Variants in SDR9C7 observed in about 807,000 individuals in gnomAD.
SDR9C7 encodes the protein short chain dehydrogenase/reductase family 9C member 7.
Under a neutral mutation model 23.6 loss-of-function variants are expected in SDR9C7, and 11 were observed. The observed-to-expected ratio is 0.47, with a 90% CI of 0.29 to 0.77. SDR9C7 has a LOEUF of 0.77. Ranked by LOEUF, SDR9C7 falls within the 30% of genes least tolerant of loss-of-function variation. SDR9C7 has a pLI of 0.09. For missense variants in SDR9C7, 387 were observed against 407.1 expected, an observed-to-expected ratio of 0.95 and a Z score of 0.42; for synonymous variants, 167 against 157.3, an observed-to-expected ratio of 1.06 and a Z score of -0.46.
intron 3 of SDR9C7, among the ~76,000 whole-genome samples, chr12:56,928,880 TTTC>T (rs1409945756): frequency 6.6e-6 from 1 of 152,154 alleles, no homozygotes; most frequent in African/African-American, 2.4e-5. Context: ...ATGTGCTCAT[TTTC>T]TTCTTTATTA....
At chr12:56,931,378 TATAA>T (rs1162766775) in intron 1 of SDR9C7, among the ~76,000 whole-genome samples, 3 of 151,494 alleles carry the variant, frequency 2.0e-5, no homozygotes, top group Non-Finnish European at 2.9e-5. Flanking sequence ...TAATAATATT[TATAA>T]ATAAATATAT....
At chr12:56,926,339 C>G (rs1955733591) in intron 3 of SDR9C7, among the ~76,000 whole-genome samples, 1 of 152,204 alleles carries the variant, frequency 6.6e-6, no homozygotes, top group African/African-American at 2.4e-5. Flanking sequence ...CGTTCCTTCA[C>G]TGGGTTTCTG....
At chr12:56,931,792 C>T (rs1337004466) in intron 1 of SDR9C7, among the ~76,000 whole-genome samples, 3 of 152,186 alleles carry the variant, frequency 2.0e-5, no homozygotes, top group Admixed American at 1.3e-4. Context: ...CCTGGTGATT[C>T]GCACCACAGC....
At chr12:56,929,061 T>A (rs1391320657) in intron 3 of SDR9C7, among the ~76,000 whole-genome samples, 1 of 152,184 alleles carries the variant, frequency 6.6e-6, no homozygotes, top group Non-Finnish European at 1.5e-5. Flanking sequence ...AGCCAGGATT[T>A]GAACCCAGGC....
chr12:56,924,263 T>C (rs1292260941), intron 3 of SDR9C7, among the ~76,000 whole-genome samples: 1 of 151,946 alleles, frequency 6.6e-6, no homozygotes, highest in South Asian at 2.1e-4. Context: ...ACCCCATCTC[T>C]ACTAAAAATA....
chr12:56,923,710 A>T lies in SDR9C7; in HGVS notation c.*123T>A. On this transcript the variant is annotated 3_prime_UTR_variant, in exon 4 of 4. Transcript: ENST00000293502. ...GGTAAATTCGACAGCAGTGGGTGTC[A>T]GCTGAGCCAAGCTTCCTTTGCAGCC... The T allele has an allele frequency of 1.3e-6, 1 of 773,346 alleles. No individual in the cohort carries two copies. The highest frequency in any genetic ancestry group is 2.1e-6 in the Non-Finnish European group (1 of 479,572). The allele number at this position is 773,346 out of a possible 1,614,324, so 47.9% of individuals were successfully genotyped here.
At chr12:56,925,984 C>T (rs1210949082) in intron 3 of SDR9C7, among the ~76,000 whole-genome samples, 1 of 152,164 alleles carries the variant, frequency 6.6e-6, no homozygotes, top group African/African-American at 2.4e-5. Context: ...TAGATATTAG[C>T]TGCCATTCAG....
At chr12:56,931,836 C>T (rs925366857) in intron 1 of SDR9C7, among the ~76,000 whole-genome samples, 4 of 152,088 alleles carry the variant, frequency 2.6e-5, no homozygotes, top group African/African-American at 9.7e-5. Context: ...ACTCTGCAGG[C>T]GCATCCCACT....
rs267603591 is a variant in SDR9C7, at chr12:56,929,403, A to T, written c.711T>A (p.Asp237Glu). 12 of 1,604,710 alleles carry T rather than the reference A, an allele frequency of 7.5e-6. No homozygotes were observed. Among genetic ancestry groups the T allele is most frequent in the Non-Finnish European group, 1.0e-5 (12 of 1,172,202 alleles). Residue 237 changes from aspartate (D) to glutamate (E), a missense_variant, in exon 3 of 4, where the codon GAT (aspartate) becomes GAA (glutamate). Physicochemically the swap from Asp to Glu is conservative, Grantham distance 45. Transcript: ENST00000293502. ...PQETRDSYGE[D>E]YFRIYTDKLK... ...CCAGGAACTTACAGATGCGGAAATA[A>T]TCCTCTCCGTAGCTGTCCCGGGTCT...
At chr12:56,924,110 C>A in intron 3 of SDR9C7, 60 bp from the exon 4 acceptor site, 1 of 1,235,766 alleles carries the variant, frequency 8.1e-7, no homozygotes, top group Admixed American at 2.0e-5. Context: ...ATGGCTTCTT[C>A]CGAATTCCAT....
intron 3 of SDR9C7, among the ~76,000 whole-genome samples, chr12:56,924,527 G>T (rs1237223619): frequency 1.3e-5 from 2 of 152,224 alleles, no homozygotes; most frequent in Non-Finnish European, 2.9e-5. Context: ...TTAGACTGGT[G>T]ATGAGAAGAA....
In SDR9C7 at chr12:56,934,254, G is replaced by T. The variant is rs748081726; in HGVS notation, c.8C>A (p.Ala3Asp). 8 of 1,612,426 alleles carry T rather than the reference G, an allele frequency of 5.0e-6. No homozygotes were observed. The highest frequency in any genetic ancestry group is 6.8e-6 in the Non-Finnish European group (8 of 1,178,964). The change falls in exon 1 of 4, where the codon GCC (alanine) becomes GAC (aspartate). Residue 3 changes from alanine (A) to aspartate (D), a missense_variant. Transcript: ENST00000293502. ...ATACATAAATGAGAGGTCTGTGAGG[G>T]CCGCCATAGGGCAAGGGGAATGTGA... MA[A>D]LTDLSFMYRW...
intron 3 of SDR9C7, 93 bp from the exon 4 acceptor site, chr12:56,924,143 C>G (rs1022797241): frequency 1.2e-6 from 1 of 848,836 alleles, no homozygotes; most frequent in African/African-American, 1.7e-5. Flanking sequence ...TCCATCAGAT[C>G]CCTGATCTAA....
chr12:56,934,312 G>C lies in SDR9C7; in HGVS notation c.-51C>G. 6.6e-7 allele frequency: 1 copy of C among 1,519,772 alleles called. No individual in the cohort carries two copies. Among genetic ancestry groups the C allele is most frequent in the East Asian group, 2.3e-5 (1 of 44,160 alleles). The allele number at this position is 1,519,772 out of a possible 1,614,324, so 94.1% of individuals were successfully genotyped here. The stretch of plus-strand genomic sequence containing the variant: ...GAGGGACTGGGCTCAGGAGACAGCA[G>C]GGAAGAAGCTGGTCCTCTGAGCCCT... On this transcript the variant is annotated 5_prime_UTR_variant, in exon 1 of 4. Transcript: ENST00000293502.
intron 3 of SDR9C7, among the ~76,000 whole-genome samples, chr12:56,927,658 G>A (rs1955743137): frequency 6.6e-6 from 1 of 152,180 alleles, no homozygotes; most frequent in African/African-American, 2.4e-5. Context: ...GTGTACATTA[G>A]GACTTTTGGG....
Position 56,932,072 on chromosome 12 carries a change from C to G in SDR9C7, c.302-1588G>C, listed in dbSNP as rs1955771664. On this transcript the variant is annotated intron_variant, in intron 1 of 3. Transcript: ENST00000293502. ...CAAGTGGCTTAGGCAAAATAATGGT[C>G]CCCCAAAGATGTCCCCATCCTCATT... Among the ~76,000 whole-genome samples, 3 of 152,162 alleles carry G rather than the reference C, an allele frequency of 2.0e-5. No homozygotes were observed. In the South Asian group the frequency reaches 6.2e-4, roughly 32 times the overall value.
chr12:56,934,093 A>G lies in SDR9C7; in HGVS notation c.169T>C (p.Phe57Leu), dbSNP rs2136371114. 6.2e-7 allele frequency: 1 copy of G among 1,614,190 alleles called. No individual in the cohort carries two copies. The highest frequency in any genetic ancestry group is 1.1e-5 in the South Asian group (1 of 91,082). Residue 57 changes from phenylalanine (F) to leucine (L), a missense_variant, in exon 1 of 4, where the codon TTC becomes CTC. Transcript: ENST00000293502. ...DRGMQVLAAC[F>L]TEEGSQKLQR... ...AGTTTCTGGGATCCCTCCTCAGTGA[A>G]GCAAGCAGCCAGCACCTGCATGCCC...
At chr12:56,926,064 T>C (rs1188516206) in intron 3 of SDR9C7, among the ~76,000 whole-genome samples, 1 of 152,228 alleles carries the variant, frequency 6.6e-6, no homozygotes, top group Non-Finnish European at 1.5e-5. Context: ...GTCACTCTCC[T>C]TCACAGTGAG....
intron 3 of SDR9C7, among the ~76,000 whole-genome samples, chr12:56,927,472 T>G (rs1372862632): frequency 6.6e-6 from 1 of 152,218 alleles, no homozygotes; most frequent in Non-Finnish European, 1.5e-5. Context: ...CAGCTGCAGA[T>G]TTCCCTCTGG....
Sources: allele counts gnomAD v4.1 joint callset (sites outside exome capture counted in the v4.1 genomes callset), GRCh38; gene constraint gnomAD v4.1.1; transcripts MANE v1.5; gene names NCBI Gene and HGNC (gene_info 2026-07-23, HGNC 2026-07-21).